Variants in PARVA observed in about 807,000 individuals in gnomAD.
The protein encoded by PARVA is parvin alpha.
In PARVA, 25 loss-of-function variants were observed where a neutral mutation model predicts 52.6. The observed-to-expected ratio is 0.48, with a 90% CI of 0.35 to 0.66. PARVA has a LOEUF of 0.66. PARVA is among the 30% of genes least tolerant of loss of function. The pLI, the probability that PARVA is intolerant of heterozygous loss-of-function variation, is 0.01. For synonymous variants in PARVA, 185 were observed against 179.1 expected, an observed-to-expected ratio of 1.03 and a Z score of -0.26; for missense variants, 373 against 450.9, an observed-to-expected ratio of 0.83 and a Z score of 1.56.
chr11:12,468,157 T>C (rs1409582008), intron 1 of PARVA, among the ~76,000 whole-genome samples: 2 of 152,218 alleles, frequency 1.3e-5, no homozygotes, highest in African/African-American at 4.8e-5. Flanking sequence ...TGTGGCTCTC[T>C]CCTTACATCT....
intron 1 of PARVA, among the ~76,000 whole-genome samples, chr11:12,446,853 G>T (rs1281986171): frequency 6.6e-6 from 1 of 152,182 alleles, no homozygotes; most frequent in African/African-American, 2.4e-5. Flanking sequence ...TCTCAATGTA[G>T]CCAGGTTTTC....
At chr11:12,513,591 C>A in intron 9 of PARVA, 1 of 670,408 alleles carries the variant, frequency 1.5e-6, no homozygotes, top group South Asian at 1.6e-5. Flanking sequence ...CCCACCCAGG[C>A]TAACCCCAGC....
At chr11:12,399,290 C>A (rs1939792463) in intron 1 of PARVA, among the ~76,000 whole-genome samples, 1 of 152,138 alleles carries the variant, frequency 6.6e-6, no homozygotes, top group African/African-American at 2.4e-5. Flanking sequence ...GGAAATATAA[C>A]AATATTTTCC....
chr11:12,526,308 G>A (rs1476823465), intron 12 of PARVA, among the ~76,000 whole-genome samples: 2 of 152,118 alleles, frequency 1.3e-5, no homozygotes, highest in Non-Finnish European at 2.9e-5. Context: ...AAGGATCCCT[G>A]TGGGTATTGA....
chr11:12,531,896 A>G lies in PARVA; in HGVS notation c.*3971A>G, dbSNP rs1157897106. Among the ~76,000 whole-genome samples the G allele has an allele frequency of 6.6e-6, 1 of 152,140 alleles. No individual in the cohort carries two copies. Among genetic ancestry groups the G allele is most frequent in the Non-Finnish European group, 1.5e-5 (1 of 68,040 alleles). ...CCTGCCTCCACACATCAGCTTCCCA[A>G]ATACTTGCAGATTTGGGTCTTACCA... On this transcript the variant is annotated 3_prime_UTR_variant, in exon 13 of 13. Coordinates refer to ENST00000334956, the MANE Select transcript of PARVA (RefSeq NM_018222.5).
intron 4 of PARVA, 94 bp downstream of exon 4, chr11:12,478,043 T>G (rs2135041341): frequency 2.5e-6 from 2 of 789,922 alleles, no homozygotes; most frequent in East Asian, 4.9e-5. Context: ...CAGTTTACAG[T>G]GGCTTACCTG....
intron 1 of PARVA, among the ~76,000 whole-genome samples, chr11:12,470,076 G>A (rs112866795): frequency 2.0e-5 from 3 of 152,184 alleles, no homozygotes; most frequent in African/African-American, 7.2e-5. Context: ...CCAGAAATGT[G>A]CGTGCATGCG....
chr11:12,464,995 A>T (rs572837254), intron 1 of PARVA, among the ~76,000 whole-genome samples: 1 of 152,332 alleles, frequency 6.6e-6, no homozygotes, highest in Admixed American at 6.5e-5. Flanking sequence ...GATCACTTGC[A>T]TGCACAATTC....
rs181123624 is a variant in PARVA, at chr11:12,386,439, G to A, written c.136+8656G>A. 2.1e-4 allele frequency among the ~76,000 whole-genome samples: 32 copies of A among 152,276 alleles called. No individual in the cohort carries two copies. The East Asian group carries it at 6.2e-3, about 29-fold the overall frequency. On this transcript the variant is annotated intron_variant, in intron 1 of 12. Coordinates refer to ENST00000334956, the MANE Select transcript of PARVA (RefSeq NM_018222.5). Reference sequence around the variant, plus strand: ...CCAACTCAGAAGTCCTCTTCTGCATGAAGCCTTCCACAGTGCCCACAGGAA... The same window carrying A: ...CCAACTCAGAAGTCCTCTTCTGCATAAAGCCTTCCACAGTGCCCACAGGAA...
intron 1 of PARVA, among the ~76,000 whole-genome samples, chr11:12,396,659 C>G (rs1246450023): frequency 6.6e-6 from 1 of 152,244 alleles, no homozygotes; most frequent in Non-Finnish European, 1.5e-5. Context: ...CAGGCATTGC[C>G]CAAGCTCTAT....
chr11:12,396,822 C>T (rs1446861320), intron 1 of PARVA, among the ~76,000 whole-genome samples: 1 of 152,134 alleles, frequency 6.6e-6, no homozygotes, highest in Non-Finnish European at 1.5e-5. Context: ...AGTAAGGGCC[C>T]CCTCTTTCTT....
At chr11:12,506,867 G>A (rs1311323171) in intron 6 of PARVA, among the ~76,000 whole-genome samples, 1 of 152,228 alleles carries the variant, frequency 6.6e-6, no homozygotes, top group Non-Finnish European at 1.5e-5. Context: ...ATTGAACCCA[G>A]ATTTCTTTTC....
At chr11:12,516,813 A>G (rs1863586) in intron 10 of PARVA, among the ~76,000 whole-genome samples, 86,267 of 152,054 alleles carry the variant, frequency 0.57, 25,077 homozygotes, top group East Asian at 0.75. Flanking sequence ...TTCTATTACC[A>G]TCCCTGTTTT....
At chr11:12,505,121 C>T (rs919815258) in intron 6 of PARVA, among the ~76,000 whole-genome samples, 1 of 152,202 alleles carries the variant, frequency 6.6e-6, no homozygotes, top group Admixed American at 6.5e-5. Context: ...CGCTCCTAAC[C>T]CCATTAAATA....
At chr11:12,526,625 C>A (rs1001073352) in intron 12 of PARVA, among the ~76,000 whole-genome samples, 1 of 152,198 alleles carries the variant, frequency 6.6e-6, no homozygotes, top group African/African-American at 2.4e-5. Context: ...ACTTGCCCTG[C>A]ATCCTTTTTG....
intron 5 of PARVA, among the ~76,000 whole-genome samples, chr11:12,500,221 A>C (rs548539385): frequency 6.6e-6 from 1 of 152,278 alleles, no homozygotes; most frequent in East Asian, 1.9e-4. Context: ...CCCTGTTTTA[A>C]ATACTGCTTT....
intron 1 of PARVA, among the ~76,000 whole-genome samples, chr11:12,388,110 A>G (rs973068667): frequency 2.6e-5 from 4 of 152,132 alleles, no homozygotes; most frequent in Non-Finnish European, 5.9e-5. Flanking sequence ...TTCCTCCTCA[A>G]CAAGAGTCTC....
At chr11:12,451,459 T>C (rs79341314) in intron 1 of PARVA, among the ~76,000 whole-genome samples, 1 of 151,924 alleles carries the variant, frequency 6.6e-6, no homozygotes, top group Admixed American at 6.6e-5. Flanking sequence ...TTTTTTTTTT[T>C]CTGTCTGATA....
At chr11:12,383,549 A>G (rs1310586460) in intron 1 of PARVA, among the ~76,000 whole-genome samples, 1 of 152,230 alleles carries the variant, frequency 6.6e-6, no homozygotes, top group Non-Finnish European at 1.5e-5. Context: ...GTGTTGCTGG[A>G]GAAAAATCCA....
Sources: allele counts gnomAD v4.1 joint callset (sites outside exome capture counted in the v4.1 genomes callset), GRCh38; gene constraint gnomAD v4.1.1; transcripts MANE v1.5; gene names NCBI Gene and HGNC (gene_info 2026-07-23, HGNC 2026-07-21).